The following KLRG2 variants were observed in gnomAD, a reference collection of about 807,000 sequenced individuals.
KLRG2 encodes the protein killer cell lectin like receptor G2, also known as killer cell lectin-like receptor subfamily G member 2.
Under a neutral mutation model 35.4 loss-of-function variants are expected in KLRG2, and 39 were observed. The observed-to-expected ratio is 1.10, with a 90% CI of 0.85 to 1.44. The LOEUF is 1.44. Ranked by LOEUF, KLRG2 falls within the 40% of genes most tolerant of loss-of-function variation. The pLI, the probability that KLRG2 is intolerant of heterozygous loss-of-function variation, is 0.00. For synonymous variants in KLRG2, 283 were observed against 265.8 expected (o/e 1.06, Z -0.63); for missense variants, 632 against 570.9 (o/e 1.11, Z -1.09).
the KLRG2 span, among the ~76,000 whole-genome samples, chr7:139,437,425 C>CAAAA: frequency 1.4e-5 from 1 of 73,216 alleles, no homozygotes; most frequent in Non-Finnish European, 3.0e-5. Flanking sequence ...ACTCCATCTC[C>CAAAA]AAAAAAAAAA....
chr7:139,451,432 G>A (rs78040815), downstream of KLRG2, among the ~76,000 whole-genome samples: 105 of 152,234 alleles, frequency 6.9e-4, 3 homozygotes, highest in East Asian at 0.02. Context: ...CCCAGGAGGC[G>A]GAGGTTGCGG....
chr7:139,473,084 C>A (rs1165971169), intron 3 of KLRG2, among the ~76,000 whole-genome samples: 1 of 152,160 alleles, frequency 6.6e-6, no homozygotes, highest in Non-Finnish European at 1.5e-5. Flanking sequence ...GAGTTTGAGA[C>A]CAGCCTGGCC....
Position 139,482,995 on chromosome 7 carries a change from G to A in KLRG2, c.648C>T (p.Pro216=). The change falls in exon 1 of 5, where the codon CCC becomes CCT. Residue 216 remains proline (P), a synonymous_variant. Transcript: ENST00000340940. ...AEGSAGSPGS[P]TCCRCKELGL... is the part of the protein sequence containing the mutation. ...CCAGCTCCTTGCAGCGGCAGCACGTGGGGGAGCCCGGGGAGCCGGCGCTTC... is the reference window on the plus strand; with the variant it reads ...CCAGCTCCTTGCAGCGGCAGCACGTAGGGGAGCCCGGGGAGCCGGCGCTTC... 1.4e-6 allele frequency: 2 copies of A among 1,384,912 alleles called. No individual in the cohort carries two copies. Among genetic ancestry groups the A allele is most frequent in the African/African-American group, 1.5e-5 (1 of 65,936 alleles). The allele number at this position is 1,384,912 out of a possible 1,614,324, so 85.8% of individuals were successfully genotyped here.
rs191496813 is a variant in KLRG2, at chr7:139,478,618, C to T, written c.1005+1009G>A. ...CCGGGAGGTGAAGGTTGCAGTGAGC[C>T]GAGATTATGCCACTGCACTCCAGCC... On this transcript the variant is annotated intron_variant, in intron 3 of 4. Coordinates refer to ENST00000340940, the MANE Select transcript of KLRG2 (RefSeq NM_198508.4). Among the ~76,000 whole-genome samples, 6 of 151,774 alleles carry T rather than the reference C, an allele frequency of 4.0e-5. No individual in the cohort carries two copies. In the East Asian group the frequency reaches 7.8e-4, roughly 20 times the overall value.
At position 139,482,998 on chromosome 7, in the gene KLRG2, G is replaced by A; in HGVS notation, c.645C>T (p.Ser215=). Residue 215 remains serine (S), a synonymous_variant, in exon 1 of 5, where the codon TCC becomes TCT. Transcript: ENST00000340940. ...GCTCCTTGCAGCGGCAGCACGTGGG[G>A]GAGCCCGGGGAGCCGGCGCTTCCTT... The part of the protein sequence containing the change: ...PAEGSAGSPG[S]PTCCRCKELG... 1 of 1,379,630 alleles carries A rather than the reference G, an allele frequency of 7.2e-7. No homozygotes were observed. Among genetic ancestry groups the A allele is most frequent in the Non-Finnish European group, 9.3e-7 (1 of 1,074,970 alleles). The allele number at this position is 1,379,630 out of a possible 1,614,324, so 85.5% of individuals were successfully genotyped here.
Position 139,483,040 on chromosome 7 carries a change from G to A in KLRG2, c.603C>T (p.Gly201=). The A allele has an allele frequency of 7.3e-7, 1 of 1,375,804 alleles. No homozygotes were observed. The highest frequency in any genetic ancestry group is 9.3e-7 in the Non-Finnish European group (1 of 1,075,442). 85.2% of individuals were successfully genotyped at this position (1,375,804 alleles called of 1,614,324 possible). Residue 201 remains glycine, a synonymous_variant, in exon 1 of 5, where the codon GGC becomes GGT. Coordinates refer to ENST00000340940, the MANE Select transcript of KLRG2 (RefSeq NM_198508.4). ...ARTESGCDAE[G]RASPAEGSAG... is the part of the protein sequence containing the mutation. ...CGCTTCCTTCCGCGGGGCTGGCCCGGCCCTCTGCGTCGCAGCCGCTCTCCG... is the reference window on the plus strand; with the variant it reads ...CGCTTCCTTCCGCGGGGCTGGCCCGACCCTCTGCGTCGCAGCCGCTCTCCG...
At chr7:139,482,329 G>A (rs1796974553) in intron 1 of KLRG2, among the ~76,000 whole-genome samples, 1 of 152,174 alleles carries the variant, frequency 6.6e-6, no homozygotes, top group African/African-American at 2.4e-5. Flanking sequence ...AAGGTGCTGC[G>A]CATGCTAAGA....
the KLRG2 span, among the ~76,000 whole-genome samples, chr7:139,427,620 T>TG: frequency 2.0e-5 from 3 of 152,180 alleles, no homozygotes; most frequent in South Asian, 6.2e-4. Context: ...TAGCAGCTCG[T>TG]GTGATTGAGT....
intron 3 of KLRG2, among the ~76,000 whole-genome samples, chr7:139,475,640 G>A (rs1585175538): frequency 1.3e-5 from 2 of 152,034 alleles, no homozygotes; most frequent in Non-Finnish European, 2.9e-5. Flanking sequence ...ATCTCACCCT[G>A]TGCATCTCCT....
At chr7:139,453,864 C>T (rs909924083) in intron 4 of KLRG2, among the ~76,000 whole-genome samples, 157 bp from the exon 5 acceptor site, 1 of 152,170 alleles carries the variant, frequency 6.6e-6, no homozygotes, top group Non-Finnish European at 1.5e-5. Context: ...GATGAATCCC[C>T]AAACCTCCCT....
chr7:139,464,007 A>G (rs1175073881), intron 3 of KLRG2, among the ~76,000 whole-genome samples: 4 of 152,036 alleles, frequency 2.6e-5, no homozygotes, highest in Non-Finnish European at 4.4e-5. Context: ...ATTCTTTTAT[A>G]TACTCCTTCT....
chr7:139,469,068 C>T (rs114550086), intron 3 of KLRG2, among the ~76,000 whole-genome samples: 1,790 of 152,318 alleles, frequency 0.012, 39 homozygotes, highest in African/African-American at 0.041. Flanking sequence ...AGACTTCCAG[C>T]CTTCAGGACT....
chr7:139,467,024 A>G (rs1035138710), intron 3 of KLRG2, among the ~76,000 whole-genome samples: 2 of 151,992 alleles, frequency 1.3e-5, no homozygotes, highest in East Asian at 3.9e-4. Flanking sequence ...CTCTCAACTC[A>G]TACAAAACTG....
downstream of KLRG2, among the ~76,000 whole-genome samples, chr7:139,450,113 C>G (rs1349123319): frequency 6.7e-6 from 1 of 150,176 alleles, no homozygotes; most frequent in Non-Finnish European, 1.5e-5. Context: ...TGTAATCTTG[C>G]CTCACTGCAA....
chr7:139,475,956 A>AG (rs1796843002), intron 3 of KLRG2, among the ~76,000 whole-genome samples: 1 of 150,326 alleles, frequency 6.7e-6, no homozygotes, highest in African/African-American at 2.5e-5. Context: ...GGGTAAGAGA[A>AG]AAAAAAAAAA....
At chr7:139,476,712 G>A (rs1337819076) in intron 3 of KLRG2, among the ~76,000 whole-genome samples, 1 of 152,036 alleles carries the variant, frequency 6.6e-6, no homozygotes, top group Admixed American at 6.6e-5. Flanking sequence ...CAAAGTGCTG[G>A]GATTACAGGT....
intron 1 of KLRG2, among the ~76,000 whole-genome samples, chr7:139,482,030 T>C (rs1202494317): frequency 6.6e-6 from 1 of 152,178 alleles, no homozygotes; most frequent in African/African-American, 2.4e-5. Flanking sequence ...GGACAGTCTG[T>C]ATCTTTTGTG....
chr7:139,438,152 C>T, the KLRG2 span, among the ~76,000 whole-genome samples: 1 of 152,248 alleles, frequency 6.6e-6, no homozygotes, highest in African/African-American at 2.4e-5. Flanking sequence ...GAAGGCCACC[C>T]AAGCCAACTT....
Position 139,482,898 on chromosome 7 carries a change from C to A in KLRG2, c.745G>T (p.Val249Leu). 1 of 1,481,358 alleles carries A rather than the reference C, an allele frequency of 6.8e-7. No individual in the cohort carries two copies. Among genetic ancestry groups the A allele is most frequent in the Non-Finnish European group, 8.9e-7 (1 of 1,127,420 alleles). The allele number at this position is 1,481,358 out of a possible 1,614,324, so 91.8% of individuals were successfully genotyped here. The change falls in exon 1 of 5, where the codon GTA (valine) becomes TTA (leucine). Residue 249 changes from valine to leucine, a missense_variant. By Grantham distance (32) the Val-to-Leu change is conservative. Transcript: ENST00000340940. ...LDGDEKLPRA[V>L]TLTGLPMYVK... ...GGTGAGCACTCACCCGTAAGCGTTA[C>A]GGCCCGGGGCAGCTTCTCGTCGCCG...
Sources: allele counts gnomAD v4.1 joint callset (sites outside exome capture counted in the v4.1 genomes callset), GRCh38; gene constraint gnomAD v4.1.1; transcripts MANE v1.5; gene names NCBI Gene and HGNC (gene_info 2026-07-23, HGNC 2026-07-21).